SMYD3: variants seen among roughly 807,000 people sequenced by gnomAD.
The protein encoded by SMYD3 is SET and MYND domain containing 3, also known as histone-lysine N-methyltransferase SMYD3.
A neutral mutation model predicts 57.7 loss-of-function variants in SMYD3; 36 were observed. The ratio of observed to expected loss-of-function variants is 0.62; its 90% CI spans 0.48 to 0.82. SMYD3 has a LOEUF of 0.82. Among genes scored for constraint, SMYD3 ranks in the 40% least tolerant of loss-of-function variants. The pLI is 0.00. For missense variants in SMYD3, 515 were observed against 538.8 expected (o/e 0.96, Z 0.44); for synonymous variants, 211 against 195.0 (o/e 1.08, Z -0.68).
At chr1:246,502,329 GC>G (rs1441339691) in intron 1 of SMYD3, among the ~76,000 whole-genome samples, 1 of 151,874 alleles carries the variant, frequency 6.6e-6, no homozygotes, top group Non-Finnish European at 1.5e-5. Context: ...ACAGGGTTTT[GC>G]CATGTCGCAC....
intron 5 of SMYD3, among the ~76,000 whole-genome samples, chr1:246,205,585 G>GTGAGGAA (rs1174715769): frequency 3.9e-5 from 6 of 152,322 alleles, no homozygotes; most frequent in African/African-American, 1.4e-4. Flanking sequence ...ACTTTGGGAG[G>GTGAGGAA]CCAAGGCAGA....
At chr1:246,299,570 G>C (rs1013085872) in intron 5 of SMYD3, among the ~76,000 whole-genome samples, 14 of 152,074 alleles carry the variant, frequency 9.2e-5, no homozygotes, top group African/African-American at 3.4e-4. Context: ...ATTCACAATA[G>C]AAAAAGCATG....
At chr1:246,357,425 G>A (rs1020625664) in intron 1 of SMYD3, among the ~76,000 whole-genome samples, 7 of 152,188 alleles carry the variant, frequency 4.6e-5, no homozygotes, top group African/African-American at 1.7e-4. Context: ...CAAAAAAGGG[G>A]AGGCATGGAT....
intron 5 of SMYD3, among the ~76,000 whole-genome samples, chr1:245,999,829 C>A (rs57065506): frequency 0.17 from 26,499 of 152,114 alleles, 3,258 homozygotes; most frequent in African/African-American, 0.34. Context: ...AGAAAGAGCA[C>A]GGAACTCGAG....
chr1:245,910,670 T>C lies in SMYD3; in HGVS notation c.813+4860A>G, dbSNP rs373770557. Among the ~76,000 whole-genome samples, 188 of 151,984 alleles carry C rather than the reference T, an allele frequency of 1.2e-3. 1 individual carries two copies. The highest frequency in any genetic ancestry group is 4.3e-3 in the African/African-American group (179 of 41,520). ...CAAGAAAGTCATCAAGAAAATACAT[T>C]GAGAAAGGAAAATCTAGATAGCCCA... On this transcript the variant is annotated intron_variant, in intron 8 of 11. Transcript: ENST00000490107.
At chr1:245,764,402 T>G (rs1455924029) in intron 10 of SMYD3, among the ~76,000 whole-genome samples, 1 of 143,300 alleles carries the variant, frequency 7.0e-6, no homozygotes, top group African/African-American at 2.7e-5. Context: ...TCATAAACAC[T>G]AGAGAAGAGA....
chr1:246,057,103 G>A (rs557265115), intron 5 of SMYD3, among the ~76,000 whole-genome samples: 24 of 152,034 alleles, frequency 1.6e-4, no homozygotes, highest in Non-Finnish European at 2.4e-4. Context: ...GTCCATCCTC[G>A]GCAACACAGT....
chr1:245,907,119 A>T (rs538105133), intron 8 of SMYD3, among the ~76,000 whole-genome samples: 1 of 152,320 alleles, frequency 6.6e-6, no homozygotes, highest in South Asian at 2.1e-4. Context: ...GACAACAGAA[A>T]TAGAAAGAAT....
rs1043047148 is a variant in SMYD3, at chr1:246,212,949, G to A, written c.531+114252C>T. Among the ~76,000 whole-genome samples the A allele has an allele frequency of 2.0e-5, 3 of 152,096 alleles. 1 individual carries two copies. Among genetic ancestry groups the A allele is most frequent in the African/African-American group, 7.3e-5 (3 of 41,378 alleles). On this transcript the variant is annotated intron_variant, in intron 5 of 11. Transcript: ENST00000490107. ...TCAGTGTCCTTCCAGAAGATATGGG[G>A]CCTTCAGGTACAGCATTTCTCTGGT... is the stretch of plus-strand genomic sequence containing the variant.
chr1:246,050,126 A>G (rs1336467648), intron 5 of SMYD3, among the ~76,000 whole-genome samples: 1 of 152,240 alleles, frequency 6.6e-6, no homozygotes, highest in Non-Finnish European at 1.5e-5. Context: ...TCACTTTGAA[A>G]TGAAAGATCA....
At chr1:246,195,801 T>C (rs2062823260) in intron 5 of SMYD3, among the ~76,000 whole-genome samples, 2 of 152,166 alleles carry the variant, frequency 1.3e-5, no homozygotes, top group Admixed American at 6.5e-5. Flanking sequence ...TTCTTACATA[T>C]AGCTCAACCG....
chr1:246,080,331 C>G (rs1259405663), intron 5 of SMYD3, among the ~76,000 whole-genome samples: 1 of 151,986 alleles, frequency 6.6e-6, no homozygotes, highest in Non-Finnish European at 1.5e-5. Context: ...AGAAAAGTGG[C>G]AGCATTCGAT....
chr1:245,921,574 C>CAT (rs1558496980), intron 7 of SMYD3, among the ~76,000 whole-genome samples: 4 of 121,636 alleles, frequency 3.3e-5, no homozygotes, highest in East Asian at 4.5e-4. Flanking sequence ...TATATATACA[C>CAT]ATACCATGGA....
intron 5 of SMYD3, among the ~76,000 whole-genome samples, chr1:246,301,425 T>C (rs540077084): frequency 6.6e-6 from 1 of 152,256 alleles, no homozygotes; most frequent in East Asian, 1.9e-4. Flanking sequence ...GGTAGTACAC[T>C]TCCTGCAGGG....
chr1:245,899,307 A>T (rs532044789), intron 8 of SMYD3, among the ~76,000 whole-genome samples: 126 of 152,278 alleles, frequency 8.3e-4, no homozygotes, highest in Middle Eastern at 3.4e-3. Flanking sequence ...TGTTTATATC[A>T]CTAAACAAAA....
At chr1:246,351,889 A>T (rs2065833287) in intron 2 of SMYD3, among the ~76,000 whole-genome samples, 1 of 152,092 alleles carries the variant, frequency 6.6e-6, no homozygotes, top group Non-Finnish European at 1.5e-5. Flanking sequence ...TAATCCCAGC[A>T]CTTTGGGAGG....
At chr1:246,154,677 T>C (rs1326033451) in intron 5 of SMYD3, among the ~76,000 whole-genome samples, 2 of 152,244 alleles carry the variant, frequency 1.3e-5, no homozygotes, top group Non-Finnish European at 2.9e-5. Context: ...TCTTGGTTTA[T>C]TGTTCATTGT....
intron 5 of SMYD3, among the ~76,000 whole-genome samples, chr1:246,020,996 A>C (rs1022871851): frequency 1.8e-4 from 27 of 152,240 alleles, no homozygotes; most frequent in African/African-American, 6.5e-4. Flanking sequence ...AGGTTTGTCT[A>C]AGTAAACAGC....
At chr1:245,942,494 C>T (rs1273858767) in intron 5 of SMYD3, among the ~76,000 whole-genome samples, 4 of 152,154 alleles carry the variant, frequency 2.6e-5, no homozygotes, top group Admixed American at 2.6e-4. Flanking sequence ...TTCTTAGAGA[C>T]CTACAAAGAG....
Sources: gnomAD v4.1 joint callset for allele counts (sites outside exome capture counted in the v4.1 genomes callset) on GRCh38, gnomAD v4.1.1 for gene constraint, MANE v1.5 for transcripts, NCBI Gene and HGNC (gene_info 2026-07-23, HGNC 2026-07-21) for gene names.